Variants in KLF12 observed in about 807,000 individuals in gnomAD.
The protein encoded by KLF12 is Krueppel-like factor 12.
In KLF12, 9 loss-of-function variants were observed where a neutral mutation model predicts 37.8. That is an observed-to-expected ratio of 0.24 (90% confidence interval 0.14 to 0.42). KLF12 has a LOEUF of 0.42. Ranked by LOEUF, KLF12 falls within the 10% of genes least tolerant of loss-of-function variation. KLF12 has a pLI of 1.00. For synonymous variants in KLF12, 208 were observed against 202.1 expected, an observed-to-expected ratio of 1.03 and a Z score of -0.25; for missense variants, 411 against 516.0, an observed-to-expected ratio of 0.80 and a Z score of 1.97.
intron 5 of KLF12, among the ~76,000 whole-genome samples, chr13:73,799,511 CACAA>C (rs1449949944): frequency 9.9e-5 from 15 of 151,844 alleles, no homozygotes; most frequent in Non-Finnish European, 1.5e-4. Flanking sequence ...TGTGGGCTTT[CACAA>C]ACAATTTCCA....
intron 2 of KLF12, among the ~76,000 whole-genome samples, chr13:73,959,700 A>T (rs1039123821): frequency 5.3e-5 from 8 of 152,044 alleles, no homozygotes; most frequent in Non-Finnish European, 1.0e-4. Flanking sequence ...AGTGATTCTC[A>T]TTATGGTTAT....
intron 4 of KLF12, among the ~76,000 whole-genome samples, chr13:73,835,386 A>G (rs1423912132): frequency 6.6e-6 from 1 of 152,226 alleles, no homozygotes; most frequent in African/African-American, 2.4e-5. Context: ...TCATGGTTCC[A>G]TATTACATGA....
chr13:73,725,925 A>G (rs1876632240), intron 6 of KLF12, among the ~76,000 whole-genome samples: 2 of 150,914 alleles, frequency 1.3e-5, no homozygotes, highest in Admixed American at 6.6e-5. Context: ...CTGGAGTGCA[A>G]TGGTGCTATC....
chr13:74,040,956 T>C (rs1893384949), intron 1 of KLF12, among the ~76,000 whole-genome samples: 1 of 152,194 alleles, frequency 6.6e-6, no homozygotes, highest in Admixed American at 6.5e-5. Context: ...AAGTTCTATC[T>C]GAGAAAACCT....
In KLF12 at chr13:73,830,991, TACACACACACACACAC is replaced by T. The variant is rs71115618; in HGVS notation, c.670+14820_670+14835del. On this transcript the variant is annotated intron_variant, in intron 4 of 7. Coordinates refer to ENST00000377669, the MANE Select transcript of KLF12 (RefSeq NM_007249.5). ...ACATGGAATTACCTCACGCAATTCATACACACACACACACACACACACACACACACACACGCATACT... is the reference window on the plus strand; with the variant it reads ...ACATGGAATTACCTCACGCAATTCATACACACACACACACACACGCATACT... Among the ~76,000 whole-genome samples, 4 of 118,928 alleles carry T rather than the reference TACACACACACACACAC, an allele frequency of 3.4e-5. No homozygotes were observed. The South Asian group carries it at 8.4e-4, about 25-fold the overall frequency. 78.0% of individuals were successfully genotyped at this position (118,928 alleles called of 152,430 possible).
chr13:74,287,378 G>GAGAGAGAGAGAGAGAT, the KLF12 span, among the ~76,000 whole-genome samples: 1 of 151,484 alleles, frequency 6.6e-6, no homozygotes, highest in African/African-American at 2.4e-5. Flanking sequence ...GAGAGAGAGA[G>GAGAGAGAGAGAGAGAT]AGAGAGAGAG....
At chr13:74,078,948 T>C (rs78708434) in intron 1 of KLF12, among the ~76,000 whole-genome samples, 3,475 of 152,248 alleles carry the variant, frequency 0.023, 132 homozygotes, top group African/African-American at 0.074. Context: ...ATTAAACTAT[T>C]AGACAATGCC....
chr13:74,026,956 T>C (rs1171517892), intron 1 of KLF12, among the ~76,000 whole-genome samples: 13 of 152,046 alleles, frequency 8.6e-5, no homozygotes, highest in Admixed American at 8.5e-4. Flanking sequence ...GGGCCTGCCT[T>C]TGGTTTCTAA....
At chr13:73,827,619 A>G (rs368259604) in intron 4 of KLF12, among the ~76,000 whole-genome samples, 1 of 152,168 alleles carries the variant, frequency 6.6e-6, no homozygotes, top group African/African-American at 2.4e-5. Flanking sequence ...ATGTAGTGCA[A>G]TGGCGCAATC....
At chr13:74,284,046 A>G in the KLF12 span, among the ~76,000 whole-genome samples, 1 of 151,856 alleles carries the variant, frequency 6.6e-6, no homozygotes, top group African/African-American at 2.4e-5. Context: ...TTTAGTAGAG[A>G]TGGAGTTTCA....
chr13:73,790,447 A>T (rs1008814724), intron 5 of KLF12, among the ~76,000 whole-genome samples: 18 of 152,196 alleles, frequency 1.2e-4, no homozygotes, highest in African/African-American at 4.3e-4. Flanking sequence ...AAAAAATTGT[A>T]CTGTTTGGTG....
At chr13:74,288,252 T>G in the KLF12 span, among the ~76,000 whole-genome samples, 1 of 152,166 alleles carries the variant, frequency 6.6e-6, no homozygotes, top group East Asian at 1.9e-4. Context: ...AATTAAATTA[T>G]TCGGTAGTGG....
intron 2 of KLF12, among the ~76,000 whole-genome samples, chr13:73,960,819 GAT>G (rs753844607): frequency 3.3e-5 from 5 of 152,222 alleles, no homozygotes; most frequent in African/African-American, 7.2e-5. Flanking sequence ...ATCTGAGAAT[GAT>G]ATGTTTTTTA....
chr13:74,119,006 TG>T (rs1306195926), intron 1 of KLF12, among the ~76,000 whole-genome samples: 1 of 152,192 alleles, frequency 6.6e-6, no homozygotes, highest in Non-Finnish European at 1.5e-5. Context: ...CAGTATCTAC[TG>T]TTCTCTTATA....
intron 1 of KLF12, among the ~76,000 whole-genome samples, chr13:74,101,341 T>C (rs1876332395): frequency 1.3e-5 from 2 of 152,230 alleles, no homozygotes; most frequent in Non-Finnish European, 2.9e-5. Context: ...CATGAATAAC[T>C]TGTATGCCTT....
chr13:73,937,014 A>AC (rs1362252032), intron 3 of KLF12, among the ~76,000 whole-genome samples: 2 of 151,830 alleles, frequency 1.3e-5, no homozygotes, highest in African/African-American at 4.8e-5. Context: ...ACATGGTGAA[A>AC]CCCCGTCTCT....
chr13:73,859,263 C>T (rs917132673), intron 3 of KLF12, among the ~76,000 whole-genome samples: 8 of 152,146 alleles, frequency 5.3e-5, no homozygotes, highest in Non-Finnish European at 7.4e-5. Context: ...CAGGGGCAGG[C>T]AAGAGCTTTC....
chr13:73,838,045 C>G (rs762511047), intron 4 of KLF12, among the ~76,000 whole-genome samples: 81 of 152,220 alleles, frequency 5.3e-4, no homozygotes, highest in Middle Eastern at 3.4e-3. Flanking sequence ...AACAAAGACA[C>G]CAACAAGTGA....
chr13:73,980,350 A>G (rs1265029586), intron 2 of KLF12, among the ~76,000 whole-genome samples: 1 of 152,194 alleles, frequency 6.6e-6, no homozygotes, highest in Non-Finnish European at 1.5e-5. Flanking sequence ...AAAGATAGAA[A>G]AAGATTCTAA....
Sources: gnomAD v4.1 joint callset for allele counts (sites outside exome capture counted in the v4.1 genomes callset) on GRCh38, gnomAD v4.1.1 for gene constraint, MANE v1.5 for transcripts, NCBI Gene and HGNC (gene_info 2026-07-23, HGNC 2026-07-21) for gene names.